LRRC8C: variants seen among roughly 807,000 people sequenced by gnomAD.
LRRC8C encodes the protein leucine rich repeat containing 8 VRAC subunit C.
In LRRC8C, 20 loss-of-function variants were observed where a neutral mutation model predicts 55.3. That is an observed-to-expected ratio of 0.36 (90% confidence interval 0.25 to 0.53). LRRC8C has a LOEUF of 0.53. Among genes scored for constraint, LRRC8C ranks in the 20% least tolerant of loss-of-function variants. The pLI is 0.92. For missense variants in LRRC8C, 659 were observed against 951.4 expected, an observed-to-expected ratio of 0.69 and a Z score of 4.04; for synonymous variants, 376 against 360.7, an observed-to-expected ratio of 1.04 and a Z score of -0.48.
chr1:89,718,899 T>G lies in LRRC8C; in HGVS notation c.*3917T>G, dbSNP rs540158333. 1 of 152,132 alleles carries G rather than the reference T, an allele frequency of 6.6e-6. No individual in the cohort carries two copies. Among genetic ancestry groups the G allele is most frequent in the Non-Finnish European group, 1.5e-5 (1 of 67,988 alleles). The allele number at this position is 152,132 out of a possible 1,614,324, so 9.4% of individuals were successfully genotyped here. On this transcript the variant is annotated 3_prime_UTR_variant, in exon 3 of 3. Coordinates refer to ENST00000370454, the MANE Select transcript of LRRC8C (RefSeq NM_032270.5). ...AGACTGCTTAAAAGATCAAGAAAAT[T>G]TTCTCATCTTTTCTTTCTACTTAGA... is the stretch of plus-strand genomic sequence containing the variant.
At chr1:89,639,276 C>T (rs867837149) in intron 1 of LRRC8C, among the ~76,000 whole-genome samples, 4 of 152,108 alleles carry the variant, frequency 2.6e-5, no homozygotes, top group Non-Finnish European at 5.9e-5. Context: ...TGAGCCACCA[C>T]GCCTGGCCTA....
the LRRC8C span, among the ~76,000 whole-genome samples, chr1:89,627,427 G>T: frequency 6.6e-6 from 1 of 152,042 alleles, no homozygotes; most frequent in Admixed American, 6.6e-5. Context: ...GACACATTAT[G>T]ATCTTTGATT....
At chr1:89,659,059 TTTTGTGTGTGTGTGTGTGTG>T (rs1657037000) in intron 1 of LRRC8C, among the ~76,000 whole-genome samples, 3 of 59,208 alleles carry the variant, frequency 5.1e-5, no homozygotes, top group African/African-American at 1.9e-4. Flanking sequence ...TTTTTTTTTT[TTTTGTGTGTGTGTGTGTGTG>T]TGTGTGTGTG....
chr1:89,685,975 A>C (rs1657869152), intron 1 of LRRC8C, among the ~76,000 whole-genome samples: 1 of 152,176 alleles, frequency 6.6e-6, no homozygotes, highest in African/African-American at 2.4e-5. Flanking sequence ...TGGAACAAGC[A>C]AAATGCTTTA....
rs1353007751 is a variant in LRRC8C, at chr1:89,633,303, C to G, written c.-24C>G. On this transcript the variant is annotated 5_prime_UTR_variant, in exon 1 of 3. Transcript: ENST00000370454. Reference sequence around the variant, plus strand: ...GCCGCTCCCTAGCACCTTCTCCAGTCGACACTCTCGCGCCCGGAGGTAAGG... The same window carrying G: ...GCCGCTCCCTAGCACCTTCTCCAGTGGACACTCTCGCGCCCGGAGGTAAGG... 1.3e-5 allele frequency: 2 copies of G among 152,290 alleles called. No individual in the cohort carries two copies. Among genetic ancestry groups the G allele is most frequent in the East Asian group, 1.9e-4 (1 of 5,172 alleles). The allele number at this position is 152,290 out of a possible 1,614,324, so 9.4% of individuals were successfully genotyped here.
At chr1:89,650,192 A>G (rs1247654924) in intron 1 of LRRC8C, among the ~76,000 whole-genome samples, 1 of 152,214 alleles carries the variant, frequency 6.6e-6, no homozygotes, top group Non-Finnish European at 1.5e-5. Flanking sequence ...GCAAAACACA[A>G]AATAACTTAA....
At chr1:89,621,183 A>G in the LRRC8C span, among the ~76,000 whole-genome samples, 1 of 151,970 alleles carries the variant, frequency 6.6e-6, no homozygotes, top group East Asian at 1.9e-4. Context: ...CCTTTTGGCC[A>G]GGCGCGGTGG....
intron 1 of LRRC8C, among the ~76,000 whole-genome samples, chr1:89,640,256 G>A (rs1322634365): frequency 2.0e-5 from 3 of 152,168 alleles, no homozygotes; most frequent in East Asian, 1.9e-4. Flanking sequence ...GTAGAGACAC[G>A]GTTTCACCAT....
intron 1 of LRRC8C, among the ~76,000 whole-genome samples, chr1:89,675,405 GAAAGCAGCATTCCCC>G (rs1313234384): frequency 6.6e-6 from 1 of 152,222 alleles, no homozygotes; most frequent in Non-Finnish European, 1.5e-5. Flanking sequence ...TCATCAGAAA[GAAAGCAGCATTCCCC>G]GCACATGGCT....
upstream of LRRC8C, among the ~76,000 whole-genome samples, chr1:89,629,970 C>T (rs184516441): frequency 2.0e-5 from 3 of 152,156 alleles, no homozygotes; most frequent in East Asian, 5.8e-4. Context: ...ACCAGCCTGG[C>T]CAACATGGTG....
At chr1:89,637,229 G>A (rs189590480) in intron 1 of LRRC8C, among the ~76,000 whole-genome samples, 7 of 152,018 alleles carry the variant, frequency 4.6e-5, no homozygotes, top group East Asian at 3.9e-4. Flanking sequence ...CATGTCAACC[G>A]TATTTGAGTA....
At chr1:89,688,609 A>AG (rs1383903129) in intron 2 of LRRC8C, among the ~76,000 whole-genome samples, 1 of 152,228 alleles carries the variant, frequency 6.6e-6, no homozygotes, top group Non-Finnish European at 1.5e-5. Flanking sequence ...TTCCAGGCAG[A>AG]GGGAACAGCA....
intron 1 of LRRC8C, among the ~76,000 whole-genome samples, chr1:89,680,130 T>G (rs1184425184): frequency 6.7e-6 from 1 of 150,162 alleles, no homozygotes; most frequent in Non-Finnish European, 1.5e-5. Context: ...CTGGATGGAA[T>G]GCAGTGGCGC....
the LRRC8C span, among the ~76,000 whole-genome samples, chr1:89,619,458 A>T: frequency 6.7e-6 from 1 of 149,940 alleles, no homozygotes; most frequent in East Asian, 1.9e-4. Context: ...AAATTTAAAT[A>T]ATCAAATAAA....
intron 2 of LRRC8C, among the ~76,000 whole-genome samples, chr1:89,695,744 A>G (rs1658156714): frequency 6.6e-6 from 1 of 152,240 alleles, no homozygotes; most frequent in Non-Finnish European, 1.5e-5. Flanking sequence ...CAGCTAGATC[A>G]AGTTAATTTA....
the LRRC8C span, among the ~76,000 whole-genome samples, chr1:89,621,088 G>A: frequency 1.3e-4 from 20 of 152,126 alleles, no homozygotes; most frequent in Non-Finnish European, 2.4e-4. Flanking sequence ...GGAGTTTTGA[G>A]AGGCTAGGCA....
intron 1 of LRRC8C, among the ~76,000 whole-genome samples, chr1:89,651,567 C>CAAAAA (rs1179039674): frequency 2.7e-4 from 11 of 40,600 alleles, no homozygotes; most frequent in Non-Finnish European, 4.9e-4. Flanking sequence ...GACTCTGTCT[C>CAAAAA]AAAAAAAAAA....
chr1:89,651,267 T>A lies in LRRC8C; in HGVS notation c.-5+17945T>A, dbSNP rs191197890. On this transcript the variant is annotated intron_variant, in intron 1 of 2. Transcript: ENST00000370454. ...TTTTTAAAGGATTGTTTAAATTTTT[T>A]AAAAAGAATATGCAACATAGGCCAG... Among the ~76,000 whole-genome samples the A allele has an allele frequency of 1.2e-4, 18 of 152,234 alleles. No individual in the cohort carries two copies. The East Asian group carries it at 3.1e-3, about 26-fold the overall frequency.
rs968541301 is a variant in LRRC8C, at chr1:89,668,796, A to T, written c.-4-17674A>T. ...ATAATACCTACCTCGTGGATTTAAT[A>T]TGGAGGTTCAACAGATAACATGTTT... On this transcript the variant is annotated intron_variant, in intron 1 of 2. Coordinates refer to ENST00000370454, the MANE Select transcript of LRRC8C (RefSeq NM_032270.5). 2.0e-5 allele frequency among the ~76,000 whole-genome samples: 3 copies of T among 152,202 alleles called. No homozygotes were observed. In the South Asian group the frequency reaches 6.2e-4, roughly 31 times the overall value.
Sources: gnomAD v4.1 joint callset for allele counts (sites outside exome capture counted in the v4.1 genomes callset) on GRCh38, gnomAD v4.1.1 for gene constraint, MANE v1.5 for transcripts, NCBI Gene and HGNC (gene_info 2026-07-23, HGNC 2026-07-21) for gene names.